CXCL13: variants seen among roughly 807,000 people sequenced by gnomAD.
CXCL13 encodes the protein C-X-C motif chemokine ligand 13, also known as C-X-C motif chemokine 13.
In CXCL13, 7 loss-of-function variants were observed where a neutral mutation model predicts 12.2. The observed-to-expected ratio is 0.57, with a 90% CI of 0.33 to 1.07. CXCL13 has a LOEUF of 1.07. Among genes scored for constraint, CXCL13 ranks in the 50% least tolerant of loss-of-function variants. CXCL13 has a pLI of 0.04. For missense variants in CXCL13, 113 were observed against 127.4 expected (o/e 0.89, Z 0.55); for synonymous variants, 47 against 42.4 (o/e 1.11, Z -0.42).
chr4:77,600,023 T>A (rs1292026054), intron 1 of CXCL13, among the ~76,000 whole-genome samples: 2 of 152,108 alleles, frequency 1.3e-5, no homozygotes, highest in Non-Finnish European at 2.9e-5. Flanking sequence ...TTTAAGCAAA[T>A]TTTTGAGCAA....
rs758548525 is a variant in CXCL13 at position 77,605,940 on chromosome 4, T to C, written c.64+11T>C. 1 of 1,577,344 alleles carries C rather than the reference T, an allele frequency of 6.3e-7. No homozygotes were observed. Among genetic ancestry groups the C allele is most frequent in the South Asian group, 1.1e-5 (1 of 87,406 alleles). ...TCTCTCCAGTCCAAGGTGAGAAATT[T>C]CATTTACATTTCACTGTTTGTTGAA... On this transcript the variant is annotated intron_variant, in intron 1 of 3. Coordinates refer to ENST00000682537, the MANE Select transcript of CXCL13 (RefSeq NM_001371558.1).
intron 1 of CXCL13, among the ~76,000 whole-genome samples, chr4:77,547,220 G>C (rs1725388030): frequency 1.3e-5 from 2 of 150,236 alleles, no homozygotes; most frequent in Non-Finnish European, 3.0e-5. Context: ...TAATCTGTTG[G>C]AGCATTCTGT....
At chr4:77,533,841 G>A (rs1162731627) in intron 1 of CXCL13, among the ~76,000 whole-genome samples, 6 of 152,220 alleles carry the variant, frequency 3.9e-5, no homozygotes, top group African/African-American at 1.4e-4. Flanking sequence ...GCCATGCACG[G>A]GATATAATCT....
At chr4:77,570,932 G>A (rs1726059924) in intron 1 of CXCL13, among the ~76,000 whole-genome samples, 1 of 152,020 alleles carries the variant, frequency 6.6e-6, no homozygotes, top group South Asian at 2.1e-4. Flanking sequence ...AGCCCGCCAT[G>A]CCTGGGCCTT....
chr4:77,587,858 G>A (rs926218628), intron 1 of CXCL13, among the ~76,000 whole-genome samples: 1 of 152,218 alleles, frequency 6.6e-6, no homozygotes, highest in African/African-American at 2.4e-5. Context: ...TCATATAAGG[G>A]AATGGCGGCC....
chr4:77,610,830 C>T lies in CXCL13; in HGVS notation c.278+136C>T, dbSNP rs939846890. 1.2e-5 allele frequency: 11 copies of T among 900,364 alleles called. No individual in the cohort carries two copies. The African/African-American group carries it at 1.7e-4, about 14-fold the overall frequency. The allele number at this position is 900,364 out of a possible 1,614,324, so 55.8% of individuals were successfully genotyped here. ...AAATGTGTGTTTTTCACTGTTATTGCTTATCAGATGGAGTAGGGGTAGCTC... is the reference window on the plus strand; with the variant it reads ...AAATGTGTGTTTTTCACTGTTATTGTTTATCAGATGGAGTAGGGGTAGCTC... On this transcript the variant is annotated intron_variant, in intron 3 of 3. Coordinates refer to ENST00000682537, the MANE Select transcript of CXCL13 (RefSeq NM_001371558.1).
intron 1 of CXCL13, among the ~76,000 whole-genome samples, chr4:77,590,841 CAA>C (rs1179454887): frequency 6.6e-6 from 1 of 152,120 alleles, no homozygotes; most frequent in Non-Finnish European, 1.5e-5. Flanking sequence ...TTATGCCATG[CAA>C]AGTTTATTAA....
chr4:77,584,617 T>A (rs1022172198), intron 1 of CXCL13, among the ~76,000 whole-genome samples: 1 of 152,106 alleles, frequency 6.6e-6, no homozygotes, highest in Non-Finnish European at 1.5e-5. Context: ...ATGGCTGAAT[T>A]TGAGTTTCTA....
At chr4:77,540,446 G>A (rs573606972) in intron 1 of CXCL13, among the ~76,000 whole-genome samples, 10 of 152,038 alleles carry the variant, frequency 6.6e-5, no homozygotes, top group Non-Finnish European at 1.2e-4. Flanking sequence ...ACTCCCCAAT[G>A]TCTGTTGTTT....
At chr4:77,596,959 C>T (rs965969456) in intron 1 of CXCL13, among the ~76,000 whole-genome samples, 16 of 152,180 alleles carry the variant, frequency 1.1e-4, no homozygotes, top group African/African-American at 2.6e-4. Flanking sequence ...TCTATACATG[C>T]GGTGGAGTAT....
At chr4:77,585,353 T>C (rs1019615764) in intron 1 of CXCL13, among the ~76,000 whole-genome samples, 2 of 152,244 alleles carry the variant, frequency 1.3e-5, no homozygotes, top group Non-Finnish European at 2.9e-5. Context: ...ACGATGTTTA[T>C]TTAAATCATG....
chr4:77,523,819 T>A (rs1166389116), intron 1 of CXCL13, among the ~76,000 whole-genome samples: 1 of 152,252 alleles, frequency 6.6e-6, no homozygotes, highest in Non-Finnish European at 1.5e-5. Context: ...TCAGCTTTTC[T>A]GCTCTGGTTT....
In CXCL13 at chr4:77,611,610, A is replaced by G. The variant is rs1229581882; in HGVS notation, c.*571A>G. Reference sequence around the variant, plus strand: ...AAATTTACTGTCTAAGATTAATAGCATTCGAAGATCCCCAGACTTCATAGA... The same window carrying G: ...AAATTTACTGTCTAAGATTAATAGCGTTCGAAGATCCCCAGACTTCATAGA... On this transcript the variant is annotated 3_prime_UTR_variant, in exon 4 of 4. Transcript: ENST00000682537. 1 of 398,562 alleles carries G rather than the reference A, an allele frequency of 2.5e-6. No individual in the cohort carries two copies. The highest frequency in any genetic ancestry group is 3.6e-5 in the East Asian group (1 of 28,082). 24.7% of individuals were successfully genotyped at this position (398,562 alleles called of 1,614,324 possible). A position where few individuals can be genotyped will look rare whatever the true frequency, so the allele number is the denominator to read the frequency against.
At chr4:77,565,508 T>A (rs998130423) in intron 1 of CXCL13, among the ~76,000 whole-genome samples, 1 of 152,134 alleles carries the variant, frequency 6.6e-6, no homozygotes, top group Non-Finnish European at 1.5e-5. Flanking sequence ...ACATACAGTG[T>A]TTTCATCAGG....
intron 1 of CXCL13, among the ~76,000 whole-genome samples, chr4:77,589,954 CTACA>C (rs1263793445): frequency 6.6e-6 from 1 of 152,114 alleles, no homozygotes; most frequent in African/African-American, 2.4e-5. Flanking sequence ...TCCCAAACAC[CTACA>C]TATACATTCC....
chr4:77,547,731 C>A (rs1373763613), intron 1 of CXCL13, among the ~76,000 whole-genome samples: 1 of 152,128 alleles, frequency 6.6e-6, no homozygotes, highest in Non-Finnish European at 1.5e-5. Flanking sequence ...AGTCCATTTA[C>A]ATTTAAGATT....
intron 1 of CXCL13, among the ~76,000 whole-genome samples, chr4:77,564,978 T>C (rs573571421): frequency 2.6e-5 from 4 of 152,168 alleles, no homozygotes; most frequent in African/African-American, 9.7e-5. Flanking sequence ...CCTGGACCCA[T>C]TTTGCTTCAC....
intron 1 of CXCL13, among the ~76,000 whole-genome samples, chr4:77,588,180 G>A (rs1279557843): frequency 6.6e-6 from 1 of 152,170 alleles, no homozygotes; most frequent in East Asian, 1.9e-4. Context: ...ACACCTACCT[G>A]AATTTTCCTG....
rs1265012783 is a variant in CXCL13 at position 77,518,415 on chromosome 4, G to C, written c.-43+6627G>C. On this transcript the variant is annotated intron_variant, in intron 1 of 4. Coordinates refer to the CXCL13 transcript ENST00000286758. Reference sequence around the variant, plus strand: ...TTTCCAACTTGGTTCCATTCTCCCTGTCACTTTCAGGTACACCAATGAGAT... The same window carrying C: ...TTTCCAACTTGGTTCCATTCTCCCTCTCACTTTCAGGTACACCAATGAGAT... Among the ~76,000 whole-genome samples the C allele has an allele frequency of 4.6e-5, 7 of 152,270 alleles. No individual in the cohort carries two copies. The South Asian group carries it at 1.0e-3, about 23-fold the overall frequency.
Sources: gnomAD v4.1 joint callset for allele counts (sites outside exome capture counted in the v4.1 genomes callset) on GRCh38, gnomAD v4.1.1 for gene constraint, MANE v1.5 for transcripts, NCBI Gene and HGNC (gene_info 2026-07-23, HGNC 2026-07-21) for gene names.